The following CFHR4 variants were observed in gnomAD, a reference collection of about 807,000 sequenced individuals.
The protein encoded by CFHR4 is complement factor H-related protein 4.
CFHR4 carries 64 observed loss-of-function variants against 69.3 expected under a neutral mutation model. The ratio of observed to expected loss-of-function variants is 0.92; its 90% CI spans 0.76 to 1.14. The LOEUF (loss-of-function observed/expected upper bound fraction) is 1.14, where lower values mean the gene tolerates loss of function less well. CFHR4 is among the 50% of genes most tolerant of loss of function. The pLI is 0.00. For synonymous variants in CFHR4, 244 were observed against 237.0 expected, an observed-to-expected ratio of 1.03 and a Z score of -0.27; for missense variants, 636 against 684.9, an observed-to-expected ratio of 0.93 and a Z score of 0.80.
chr1:196,912,824 A>G lies in CFHR4; in HGVS notation c.1082A>G (p.Gln361Arg). ...ATTTATATTTTAAATAAAGAAATAC[A>G]ATATAAATGTAAACCAGGATATGCA... Reference protein sequence around the residue: ...SSIYILNKEIQYKCKPGYATA... With the variant: ...SSIYILNKEIRYKCKPGYATA... The change falls in exon 7 of 10, where the codon CAA (glutamine) becomes CGA (arginine). Residue 361 changes from glutamine to arginine, a missense_variant. Physicochemically the swap from Gln to Arg is conservative, Grantham distance 43. Transcript: ENST00000608469. 1 of 1,606,568 alleles carries G rather than the reference A, an allele frequency of 6.2e-7. No individual in the cohort carries two copies. Among genetic ancestry groups the G allele is most frequent in the South Asian group, 1.1e-5 (1 of 89,002 alleles).
intron 4 of CFHR4, 110 bp from the exon 5 acceptor site, chr1:196,907,206 T>G: frequency 8.2e-7 from 1 of 1,225,318 alleles, no homozygotes; most frequent in Non-Finnish European, 1.1e-6. Context: ...AATACAAATG[T>G]CTTCCTAAGA....
chr1:196,901,821 C>A (rs1258698587), intron 1 of CFHR4, among the ~76,000 whole-genome samples: 2 of 150,866 alleles, frequency 1.3e-5, no homozygotes, highest in Non-Finnish European at 2.9e-5. Flanking sequence ...AATAAAAATG[C>A]TTATTACACT....
In CFHR4 at chr1:196,888,168, T is replaced by C; in HGVS notation, c.18T>C (p.Asn6=). The C allele has an allele frequency of 6.2e-7, 1 of 1,611,284 alleles. No individual in the cohort carries two copies. Among genetic ancestry groups the C allele is most frequent in the Non-Finnish European group, 8.5e-7 (1 of 1,178,646 alleles). The part of the protein sequence containing the change: MLLLI[N]VILTLWVSCA... The stretch of plus-strand genomic sequence containing the variant: ...TATCTAACATGTTGTTACTAATCAA[T>C]GTCATTCTGACCTTGTGGGTTTCCT... The change falls in exon 1 of 10, where the codon AAT becomes AAC. Residue 6 remains asparagine (N), a synonymous_variant. Coordinates refer to ENST00000608469, the MANE Select transcript of CFHR4 (RefSeq NM_001201550.3).
At chr1:196,898,873 AC>A (rs1270082652) in intron 1 of CFHR4, among the ~76,000 whole-genome samples, 1 of 151,484 alleles carries the variant, frequency 6.6e-6, no homozygotes, top group East Asian at 1.9e-4. Context: ...GTACCTTACC[AC>A]ATTGTCCCCT....
At chr1:196,910,215 C>A in intron 5 of CFHR4, 66 bp from the exon 6 acceptor site, 3 of 815,132 alleles carry the variant, frequency 3.7e-6, no homozygotes, top group Non-Finnish European at 5.3e-6. Context: ...TCAAAACAGT[C>A]ATCTCTTATA....
intron 9 of CFHR4, among the ~76,000 whole-genome samples, chr1:196,917,328 A>G (rs2477996): frequency 2.6e-5 from 4 of 151,936 alleles, no homozygotes; most frequent in Non-Finnish European, 5.9e-5. Flanking sequence ...CTTAATACCT[A>G]GGGTATGGGT....
At chr1:196,913,356 A>G (rs765081101) in intron 7 of CFHR4, among the ~76,000 whole-genome samples, 7 of 151,484 alleles carry the variant, frequency 4.6e-5, no homozygotes, top group Admixed American at 4.0e-4. Context: ...TTCTGCTAGC[A>G]TCAGGAGAAT....
Position 196,889,953 on chromosome 1 carries a change from G to C in CFHR4, c.58+1745G>C, listed in dbSNP as rs1656929191. On this transcript the variant is annotated intron_variant, in intron 1 of 9. Coordinates refer to ENST00000608469, the MANE Select transcript of CFHR4 (RefSeq NM_001201550.3). Reference sequence around the variant, plus strand: ...AAGGAAGAGGCCTCAGAAGAATGCAGCCCTGTTGACAGCCACATCTCAAAG... The same window carrying C: ...AAGGAAGAGGCCTCAGAAGAATGCACCCCTGTTGACAGCCACATCTCAAAG... 4.6e-5 allele frequency among the ~76,000 whole-genome samples: 7 copies of C among 151,436 alleles called. No homozygotes were observed. The South Asian group carries it at 1.4e-3, about 31-fold the overall frequency.
intron 1 of CFHR4, among the ~76,000 whole-genome samples, chr1:196,895,231 A>G (rs190393038): frequency 4.0e-5 from 6 of 151,580 alleles, no homozygotes; most frequent in African/African-American, 1.5e-4. Context: ...AGACCCTATC[A>G]CTACAAATTA....
Position 196,902,576 on chromosome 1 carries a change from T to C in CFHR4, c.217T>C (p.Cys73Arg). 6.2e-7 allele frequency: 1 copy of C among 1,612,314 alleles called. No homozygotes were observed. Among genetic ancestry groups the C allele is most frequent in the East Asian group, 2.2e-5 (1 of 44,808 alleles). ...AGGAAGTTACTGGGATTACATTCAT[T>C]GCACACAAGATGGTTGGTCACCAAC... ...PSGSYWDYIH[C>R]TQDGWSPTVP... The change falls in exon 2 of 10, where the codon TGC (cysteine) becomes CGC (arginine). Residue 73 changes from cysteine (C) to arginine (R), a missense_variant. Coordinates refer to ENST00000608469, the MANE Select transcript of CFHR4 (RefSeq NM_001201550.3).
intron 1 of CFHR4, among the ~76,000 whole-genome samples, chr1:196,890,096 T>G (rs1331911709): frequency 6.6e-6 from 1 of 151,496 alleles, no homozygotes; most frequent in Non-Finnish European, 1.5e-5. Flanking sequence ...AATATTAACT[T>G]AAAATAATTT....
intron 1 of CFHR4, among the ~76,000 whole-genome samples, chr1:196,900,317 A>ATTTTTTTTTTTTTTTTT (rs36051521): frequency 7.5e-6 from 1 of 134,030 alleles, no homozygotes; most frequent in African/African-American, 2.8e-5. Context: ...CATAGGTGGA[A>ATTTTTTTTTTTTTTTTT]TTTTTTTTTT....
Position 196,914,657 on chromosome 1 carries a change from T to C in CFHR4, c.1343T>C (p.Phe448Ser). The change falls in exon 8 of 10, where the codon TTC (phenylalanine) becomes TCC (serine). Residue 448 changes from phenylalanine (F) to serine (S), a missense_variant. By Grantham distance (155) the Phe-to-Ser change is radical. Around this residue, in one of 3 missense-constraint regions of CFHR4, gnomAD observed 529 missense variants for 533.2 expected, o/e 0.99. Coordinates refer to ENST00000608469, the MANE Select transcript of CFHR4 (RefSeq NM_001201550.3). ...TGTGGTGAAGATGGGTGGTCCCATT[T>C]CCCAACATGTTATAGTAAGTATTTT... is the stretch of plus-strand genomic sequence containing the variant. The part of the protein sequence containing the change: ...IVCGEDGWSH[F>S]PTCYNSSEKC... 1 of 1,602,134 alleles carries C rather than the reference T, an allele frequency of 6.2e-7. No homozygotes were observed. Among genetic ancestry groups the C allele is most frequent in the Non-Finnish European group, 8.5e-7 (1 of 1,176,456 alleles).
chr1:196,908,031 C>T (rs1386192716), intron 5 of CFHR4, among the ~76,000 whole-genome samples: 2 of 151,244 alleles, frequency 1.3e-5, no homozygotes, highest in Admixed American at 1.3e-4. Flanking sequence ...AGCTGGAAAC[C>T]ATCCTTCTCA....
chr1:196,893,935 C>T (rs1446027653), intron 1 of CFHR4, among the ~76,000 whole-genome samples: 2 of 151,522 alleles, frequency 1.3e-5, no homozygotes, highest in South Asian at 2.1e-4. Context: ...CAGACCTAAT[C>T]TCTCTATGTG....
chr1:196,913,229 C>A (rs1290127439), intron 7 of CFHR4, among the ~76,000 whole-genome samples: 1 of 151,536 alleles, frequency 6.6e-6, no homozygotes, highest in Non-Finnish European at 1.5e-5. Context: ...CCATTAAAAA[C>A]TTCGTTGTTT....
In CFHR4 at chr1:196,902,603, G is replaced by A. The variant is rs142997159; in HGVS notation, c.244G>A (p.Val82Ile). Residue 82 changes from valine to isoleucine, a missense_variant, in exon 2 of 10, where the codon GTC becomes ATC. Physicochemically the swap from Val to Ile is conservative, Grantham distance 29. Transcript: ENST00000608469. ...CACACAAGATGGTTGGTCACCAACG[G>A]TCCCATGCCTCAGTAAGTAAACCTC... ...HCTQDGWSPT[V>I]PCLRTCSKSD... The A allele has an allele frequency of 2.9e-4, 472 of 1,609,774 alleles. 15 individuals are homozygous for A. The African/African-American group carries it at 5.4e-3, about 18-fold the overall frequency.
Position 196,902,506 on chromosome 1 carries a change from A to T in CFHR4, c.147A>T (p.Gly49=), listed in dbSNP as rs779923402. Residue 49 remains glycine (G), a synonymous_variant, in exon 2 of 10, where the codon GGA becomes GGT. Coordinates refer to ENST00000608469, the MANE Select transcript of CFHR4 (RefSeq NM_001201550.3). Reference sequence around the variant, plus strand: ...GACTATACTTTCCAGCAGCTGCAGGACAATCTTATTCCTATTACTGTGATC... The same window carrying T: ...GACTATACTTTCCAGCAGCTGCAGGTCAATCTTATTCCTATTACTGTGATC... ...LRRLYFPAAA[G]QSYSYYCDQN... is the part of the protein sequence containing the mutation. 6.2e-7 allele frequency: 1 copy of T among 1,611,382 alleles called. No individual in the cohort carries two copies.
chr1:196,912,616 G>T, intron 6 of CFHR4, 124 bp from the exon 7 acceptor site: 2 of 1,124,858 alleles, frequency 1.8e-6, no homozygotes, highest in Admixed American at 3.3e-5. Context: ...TTCCAGTTTT[G>T]CTGTTTTCAA....
Sources: gnomAD v4.1 joint callset for allele counts (sites outside exome capture counted in the v4.1 genomes callset) on GRCh38, gnomAD v4.1.1 for gene constraint, gnomAD v4.1.1 regional missense constraint, MANE v1.5 for transcripts, NCBI Gene and HGNC (gene_info 2026-07-23, HGNC 2026-07-21) for gene names.